The following SPG7 variants were observed in gnomAD, a reference collection of about 807,000 sequenced individuals.
SPG7 encodes the protein SPG7 matrix AAA peptidase subunit, paraplegin.
SPG7 carries 103 observed loss-of-function variants against 81.9 expected under a neutral mutation model. The ratio of observed to expected loss-of-function variants is 1.26; its 90% CI spans 1.07 to 1.48. SPG7 has a LOEUF of 1.48. Among genes scored for constraint, SPG7 ranks in the 40% most tolerant of loss-of-function variants. SPG7 has a pLI of 0.00. For synonymous variants in SPG7, 534 were observed against 444.2 expected, an observed-to-expected ratio of 1.20 and a Z score of -2.54; for missense variants, 1,241 against 1,087.3, an observed-to-expected ratio of 1.14 and a Z score of -1.99.
At chr16:89,531,158 T>G in intron 7 of SPG7, 1 of 395,372 alleles carries the variant, frequency 2.5e-6, no homozygotes, top group Non-Finnish European at 4.8e-6. Flanking sequence ...GTGCGTCACT[T>G]ACACGTTTCC....
chr16:89,513,384 C>T (rs931824198), intron 3 of SPG7, among the ~76,000 whole-genome samples: 3 of 152,196 alleles, frequency 2.0e-5, no homozygotes, highest in Admixed American at 6.6e-5. Context: ...GGCGTGATGG[C>T]ACACGCCTGT....
At chr16:89,512,911 A>G (rs763106908) in intron 2 of SPG7, 37 bp from the exon 3 acceptor site, 3 of 1,609,662 alleles carry the variant, frequency 1.9e-6, no homozygotes, top group Admixed American at 3.3e-5. Context: ...TGTGGTTGCA[A>G]AACTTAATTG....
intron 6 of SPG7, 168 bp downstream of exon 6, chr16:89,529,747 G>C (rs1173158026): frequency 1.5e-6 from 1 of 685,830 alleles, no homozygotes; most frequent in African/African-American, 1.8e-5. Flanking sequence ...CGGCTGTAAG[G>C]CGTGTAGTAA....
Position 89,550,624 on chromosome 16 carries a change from G to C in SPG7, c.1779+15G>C. On this transcript the variant is annotated intron_variant, in intron 13 of 16. Coordinates refer to ENST00000645818, the MANE Select transcript of SPG7 (RefSeq NM_003119.4). Reference sequence around the variant, plus strand: ...CCGTGATGAAGGTGGGTCTTGGCAGGTGCCGGCTCCACGGGCCTTGGCCAA... The same window carrying C: ...CCGTGATGAAGGTGGGTCTTGGCAGCTGCCGGCTCCACGGGCCTTGGCCAA... 1 of 1,589,296 alleles carries C rather than the reference G, an allele frequency of 6.3e-7. No individual in the cohort carries two copies. The highest frequency in any genetic ancestry group is 8.6e-7 in the Non-Finnish European group (1 of 1,158,674).
At chr16:89,527,259 C>T (rs1330357275) in intron 5 of SPG7, 1 of 152,262 alleles carries the variant, frequency 6.6e-6, no homozygotes, top group Non-Finnish European at 1.5e-5. Flanking sequence ...GTGTGCAAGT[C>T]CGTTGGAGTT....
intron 3 of SPG7, chr16:89,520,339 G>A: frequency 6.1e-6 from 1 of 165,248 alleles, no homozygotes; most frequent in Non-Finnish European, 1.3e-5. Flanking sequence ...GGAGATGGGG[G>A]GTCTTGCAGG....
chr16:89,547,758 G>A (rs985001117), intron 11 of SPG7: 10 of 456,708 alleles, frequency 2.2e-5, no homozygotes, highest in African/African-American at 1.4e-4. Context: ...GATTACAGGC[G>A]CTCACCACCA....
rs753722512 is a variant in SPG7 at position 89,548,050 on chromosome 16, C to T, written c.1600C>T (p.Arg534Trp). ...ICNEAALHAA[R>W]EGHTSVHTLN... ...CAATGAGGCTGCGCTGCACGCGGCG[C>T]GGGAGGGACACACTTCCGTGCACAC... is the stretch of plus-strand genomic sequence containing the variant. The change falls in exon 12 of 17, where the codon CGG becomes TGG. Residue 534 changes from arginine to tryptophan, a missense_variant. Arg to Trp is a moderately radical substitution (Grantham distance 101). Coordinates refer to ENST00000645818, the MANE Select transcript of SPG7 (RefSeq NM_003119.4). The T allele has an allele frequency of 3.7e-6, 6 of 1,611,750 alleles. No individual in the cohort carries two copies. The highest frequency in any genetic ancestry group is 4.5e-5 in the East Asian group (2 of 44,874).
chr16:89,508,617 T>G lies in SPG7; in HGVS notation c.183+17T>G. On this transcript the variant is annotated intron_variant, in intron 1 of 16. Coordinates refer to ENST00000645818, the MANE Select transcript of SPG7 (RefSeq NM_003119.4). ...GCTCTGCAGGTAAATCCCCGCGGAG[T>G]CCGGGCCCCACCTCCCGCCCGGCTC... 3 of 1,441,418 alleles carry G rather than the reference T, an allele frequency of 2.1e-6. No individual in the cohort carries two copies. Among genetic ancestry groups the G allele is most frequent in the Non-Finnish European group, 2.7e-6 (3 of 1,102,588 alleles). The allele number at this position is 1,441,418 out of a possible 1,614,324, so 89.3% of individuals were successfully genotyped here.
At chr16:89,532,763 C>CT in intron 9 of SPG7, 127 bp downstream of exon 9, 1 of 1,131,496 alleles carries the variant, frequency 8.8e-7, no homozygotes, top group Non-Finnish European at 1.3e-6. Flanking sequence ...GAGTGAGACT[C>CT]TGTCTCAAGA....
chr16:89,528,090 G>A (rs1278728326), intron 5 of SPG7, among the ~76,000 whole-genome samples: 1 of 141,228 alleles, frequency 7.1e-6, no homozygotes, highest in African/African-American at 2.6e-5. Flanking sequence ...GCCGATGATG[G>A]ACAGAAGGTG....
intron 2 of SPG7, among the ~76,000 whole-genome samples, chr16:89,511,672 A>G (rs528992122): frequency 8.3e-4 from 126 of 152,186 alleles, no homozygotes; most frequent in African/African-American, 3.0e-3. Flanking sequence ...GAACCCGTTC[A>G]TGTCTTTGTG....
intron 16 of SPG7, 198 bp downstream of exon 16, chr16:89,554,761 C>T (rs543844848): frequency 6.7e-5 from 39 of 584,004 alleles, no homozygotes; most frequent in Middle Eastern, 4.7e-4. Flanking sequence ...TGTGTTCCCC[C>T]GAGGTAGAAA....
chr16:89,544,170 A>T (rs2058534799), intron 9 of SPG7: 1 of 254,536 alleles, frequency 3.9e-6, no homozygotes, highest in South Asian at 4.8e-5. Context: ...TCGTTTCTGG[A>T]CTCACTTTTA....
chr16:89,509,457 G>A (rs548925712), intron 1 of SPG7, among the ~76,000 whole-genome samples: 2 of 152,242 alleles, frequency 1.3e-5, no homozygotes, highest in African/African-American at 2.4e-5. Context: ...CACCATGTTG[G>A]CCAGGATGGT....
In SPG7 at chr16:89,532,637, G is replaced by A; in HGVS notation, c.1324+1G>A. The A allele has an allele frequency of 6.2e-7, 1 of 1,613,260 alleles. No individual in the cohort carries two copies. On this transcript the variant is annotated splice_donor_variant, in intron 9 of 16. Transcript: ENST00000645818. LOFTEE classifies it high-confidence loss of function. ...AACCAGCTTCTGGTAGAAATGGATG[G>A]TCAGTGCTCGTGCGCCCCGCACCCC...
At chr16:89,532,931 A>C in intron 9 of SPG7, 14 of 414,894 alleles carry the variant, frequency 3.4e-5, no homozygotes, top group East Asian at 5.1e-5. Context: ...AAAAATACAA[A>C]AGTCAGCCGG....
rs144270437 is a variant in SPG7 at position 89,544,188 on chromosome 16, C to T, written c.1325-460C>T. On this transcript the variant is annotated intron_variant, in intron 9 of 16. Transcript: ENST00000645818. ...TTTCTGGACTCACTTTTAAATTCTC[C>T]GATGACAAACGTCAAGCCTGAAACC... The T allele has an allele frequency of 2.7e-3, 699 of 259,964 alleles. 5 individuals are homozygous for T. The highest frequency in any genetic ancestry group is 0.015 in the African/African-American group (664 of 45,478). The allele number at this position is 259,964 out of a possible 1,614,324, so 16.1% of individuals were successfully genotyped here.
rs762803973 is a variant in SPG7, at chr16:89,553,821, C to T, written c.1964C>T (p.Thr655Ile). 12 of 1,613,432 alleles carry T rather than the reference C, an allele frequency of 7.4e-6. 2 individuals carry two copies. In the South Asian group the frequency reaches 8.8e-5, roughly 12 times the overall value. ...SGAQDDLRKV[T>I]RIAYSMVKQF... ...GCACAGGACGACCTGAGGAAGGTCA[C>T]CCGCATCGCCTACTCCATGGTGAAG... Residue 655 changes from threonine to isoleucine, a missense_variant, in exon 15 of 17, where the codon ACC becomes ATC. Transcript: ENST00000645818.
Sources: gnomAD v4.1 joint callset for allele counts (sites outside exome capture counted in the v4.1 genomes callset) on GRCh38, gnomAD v4.1.1 for gene constraint, MANE v1.5 for transcripts, NCBI Gene and HGNC (gene_info 2026-07-23, HGNC 2026-07-21) for gene names.